C12orf60: variants seen among roughly 807,000 people sequenced by gnomAD.
C12orf60 encodes the protein uncharacterized protein C12orf60.
For missense variants in C12orf60, 284 were observed against 283.2 expected (o/e 1.00, Z -0.02); for synonymous variants, 102 against 94.6 (o/e 1.08, Z -0.45).
At chr12:14,820,610 G>A (rs1342366420) in intron 1 of C12orf60, among the ~76,000 whole-genome samples, 4 of 151,630 alleles carry the variant, frequency 2.6e-5, no homozygotes, top group African/African-American at 7.3e-5. Context: ...AGGGTGTGTT[G>A]TTTAATTTAC....
chr12:14,805,107 C>CA (rs1950028187), intron 1 of C12orf60: 1 of 136,020 alleles, frequency 7.4e-6, no homozygotes, highest in Non-Finnish European at 1.6e-5. Context: ...GTAGCAAAGG[C>CA]AGCTGCCTCC....
chr12:14,818,606 T>C (rs778702113), intron 1 of C12orf60, among the ~76,000 whole-genome samples: 9 of 152,098 alleles, frequency 5.9e-5, no homozygotes, highest in Non-Finnish European at 1.3e-4. Context: ...TGGTGAAACC[T>C]CTTCTCTACT....
chr12:14,813,183 G>A (rs1950166802), intron 1 of C12orf60, among the ~76,000 whole-genome samples: 3 of 152,192 alleles, frequency 2.0e-5, no homozygotes, highest in African/African-American at 7.2e-5. Flanking sequence ...AAATAAAAAA[G>A]AAAGAAAAAG....
chr12:14,819,909 T>C (rs1228945901), intron 1 of C12orf60, among the ~76,000 whole-genome samples: 2 of 152,094 alleles, frequency 1.3e-5, no homozygotes, highest in African/African-American at 2.4e-5. Flanking sequence ...AGAGGTATTC[T>C]CCCTTCTGTT....
At chr12:14,806,700 A>G (rs1950057839) in intron 1 of C12orf60, 2 of 1,555,922 alleles carry the variant, frequency 1.3e-6, no homozygotes, top group African/African-American at 1.4e-5. Context: ...ATGATCGCTG[A>G]AAAATAAAAT....
At chr12:14,820,630 T>C (rs1018896608) in intron 1 of C12orf60, among the ~76,000 whole-genome samples, 2 of 152,070 alleles carry the variant, frequency 1.3e-5, no homozygotes, top group African/African-American at 2.4e-5. Context: ...CAATATTTTG[T>C]AATTTTTCAT....
chr12:14,809,476 T>C (rs978779724), intron 1 of C12orf60, among the ~76,000 whole-genome samples: 2 of 152,066 alleles, frequency 1.3e-5, no homozygotes, highest in Non-Finnish European at 2.9e-5. Context: ...ATGGAACAAA[T>C]TAGTCCCCAA....
Position 14,823,518 on chromosome 12 carries a change from C to T in C12orf60, c.583C>T (p.Leu195=). Residue 195 remains leucine, a synonymous_variant, in exon 2 of 2, where the codon CTA becomes TTA. Transcript: ENST00000330828. ...IDTLKKLQDV[L]KTEDSKNPTK... ...CACCTTGAAAAAACTGCAGGATGTA[C>T]TAAAAACTGAGGATTCCAAAAATCC... 6.2e-7 allele frequency: 1 copy of T among 1,613,510 alleles called. No homozygotes were observed. Among genetic ancestry groups the T allele is most frequent in the Non-Finnish European group, 8.5e-7 (1 of 1,179,840 alleles).
Position 14,816,288 on chromosome 12 carries a change from C to G in C12orf60, c.-24-6624C>G, listed in dbSNP as rs183293642. 3.3e-5 allele frequency among the ~76,000 whole-genome samples: 5 copies of G among 152,270 alleles called. No homozygotes were observed. The East Asian group carries it at 9.6e-4, about 29-fold the overall frequency. Reference sequence around the variant, plus strand: ...CTGCATGTAGCTCTCACTTGATCGTCTTTTATTTAGAATGCTTTATTTTCC... The same window carrying G: ...CTGCATGTAGCTCTCACTTGATCGTGTTTTATTTAGAATGCTTTATTTTCC... On this transcript the variant is annotated intron_variant, in intron 1 of 1. Coordinates refer to ENST00000330828, the MANE Select transcript of C12orf60 (RefSeq NM_175874.4).
chr12:14,816,787 C>G (rs1000225158), intron 1 of C12orf60, among the ~76,000 whole-genome samples: 1 of 151,166 alleles, frequency 6.6e-6, no homozygotes, highest in Non-Finnish European at 1.5e-5. Context: ...CTCTGTCACC[C>G]AGGCTGGAGT....
chr12:14,813,594 C>T (rs188655882), intron 1 of C12orf60, among the ~76,000 whole-genome samples: 1 of 152,310 alleles, frequency 6.6e-6, no homozygotes, highest in East Asian at 1.9e-4. Flanking sequence ...CATTTGAAAA[C>T]GACAATGTTC....
intron 1 of C12orf60, among the ~76,000 whole-genome samples, chr12:14,809,272 G>A (rs1410336207): frequency 6.6e-6 from 1 of 152,174 alleles, no homozygotes; most frequent in Non-Finnish European, 1.5e-5. Context: ...CTTCCAAGTG[G>A]TCGGCTCCTT....
intron 1 of C12orf60, among the ~76,000 whole-genome samples, chr12:14,804,046 G>A (rs1950009499): frequency 6.6e-6 from 1 of 152,144 alleles, no homozygotes; most frequent in Non-Finnish European, 1.5e-5. Flanking sequence ...ATTAGCACCC[G>A]TATTAGAGTC....
intron 1 of C12orf60, chr12:14,806,677 C>T: frequency 6.3e-7 from 1 of 1,577,088 alleles, no homozygotes; most frequent in Non-Finnish European, 8.6e-7. Flanking sequence ...TCACTTTGGG[C>T]CATATTTCCA....
At chr12:14,820,325 A>AT (rs944781942) in intron 1 of C12orf60, among the ~76,000 whole-genome samples, 2 of 151,474 alleles carry the variant, frequency 1.3e-5, no homozygotes, top group Non-Finnish European at 3.0e-5. Flanking sequence ...GATTTTATCT[A>AT]TTTTTTCTGT....
In C12orf60 at chr12:14,822,963, G is replaced by A. The variant is rs762513065; in HGVS notation, c.28G>A (p.Glu10Lys). 2.2e-5 allele frequency: 36 copies of A among 1,600,996 alleles called. No individual in the cohort carries two copies. The South Asian group carries it at 3.9e-4, about 17-fold the overall frequency. ...GTCTTCAGAGTCAGAAAAGGATAAA[G>A]AGAGACTGATTCAAGCTGCCAAAAT... MSSESEKDKERLIQAAKMFF... is the reference protein window; with the variant it reads MSSESEKDKKRLIQAAKMFF... The change falls in exon 2 of 2, where the codon GAG becomes AAG. Residue 10 changes from glutamate to lysine, a missense_variant. Glu to Lys is a moderately conservative substitution (Grantham distance 56). Transcript: ENST00000330828.
Position 14,823,408 on chromosome 12 carries a change from C to A in C12orf60, c.473C>A (p.Thr158Lys). 1 of 1,614,012 alleles carries A rather than the reference C, an allele frequency of 6.2e-7. No individual in the cohort carries two copies. The highest frequency in any genetic ancestry group is 8.5e-7 in the Non-Finnish European group (1 of 1,179,952). ...AATCTTCAATTAAGTGACTTCTATA[C>A]AGAAGACACCAAAGAGCAATCAGAT... Reference protein sequence around the residue: ...IMNLQLSDFYTEDTKEQSDVT... With the variant: ...IMNLQLSDFYKEDTKEQSDVT... Residue 158 changes from threonine to lysine, a missense_variant, in exon 2 of 2, where the codon ACA (threonine) becomes AAA (lysine). By Grantham distance (78) the Thr-to-Lys change is moderately conservative. Transcript: ENST00000330828.
intron 1 of C12orf60, among the ~76,000 whole-genome samples, chr12:14,822,244 C>T (rs1475094518): frequency 1.3e-5 from 2 of 149,772 alleles, no homozygotes; most frequent in Admixed American, 6.7e-5. Flanking sequence ...CCTGTTTGGG[C>T]TTGTTCACAG....
chr12:14,808,894 A>T (rs1055351429), intron 1 of C12orf60, among the ~76,000 whole-genome samples: 2 of 152,232 alleles, frequency 1.3e-5, no homozygotes, highest in Non-Finnish European at 2.9e-5. Flanking sequence ...TTGATGATCC[A>T]GTAAATATTC....
Sources: allele counts gnomAD v4.1 joint callset (sites outside exome capture counted in the v4.1 genomes callset), GRCh38; gene constraint gnomAD v4.1.1; transcripts MANE v1.5; gene names NCBI Gene and HGNC (gene_info 2026-07-23, HGNC 2026-07-21).